The following TBC1D32 variants were observed in gnomAD, a reference collection of about 807,000 sequenced individuals.
The protein encoded by TBC1D32 is TBC1 domain family member 32.
In TBC1D32, 151 loss-of-function variants were observed where a neutral mutation model predicts 170.3. That is an observed-to-expected ratio of 0.89 (90% confidence interval 0.78 to 1.01). The LOEUF (loss-of-function observed/expected upper bound fraction) is 1.01, where lower values mean the gene tolerates loss of function less well. Ranked by LOEUF, TBC1D32 falls within the 50% of genes least tolerant of loss-of-function variation. The pLI is 0.00. For synonymous variants in TBC1D32, 498 were observed against 488.0 expected (o/e 1.02, Z -0.27); for missense variants, 1,464 against 1,457.1 (o/e 1.00, Z -0.08).
At chr6:121,251,982 C>A (rs961252670) in intron 17 of TBC1D32, among the ~76,000 whole-genome samples, 8 of 152,108 alleles carry the variant, frequency 5.3e-5, no homozygotes, top group Admixed American at 2.0e-4. Flanking sequence ...AAGTTCATCA[C>A]CACTGGTCAT....
intron 29 of TBC1D32, among the ~76,000 whole-genome samples, chr6:121,107,055 C>G (rs2128192259): frequency 6.6e-6 from 1 of 151,860 alleles, no homozygotes; most frequent in African/African-American, 2.4e-5. Flanking sequence ...AAAAGTTAAT[C>G]AAATTAGATC....
chr6:121,318,083 CT>C (rs144031009), intron 2 of TBC1D32, among the ~76,000 whole-genome samples: 7,933 of 152,018 alleles, frequency 0.052, 403 homozygotes, highest in East Asian at 0.12. Context: ...CTCCACCCCC[CT>C]ATCCTTTATT....
intron 19 of TBC1D32, 91 bp downstream of exon 19, chr6:121,241,374 C>T (rs41292572): frequency 1.9e-6 from 2 of 1,052,232 alleles, no homozygotes; most frequent in South Asian, 1.4e-5. Context: ...AGTAAATATC[C>T]TGATACTTAA....
chr6:121,132,145 A>C (rs1484374156), intron 24 of TBC1D32, among the ~76,000 whole-genome samples: 1 of 151,948 alleles, frequency 6.6e-6, no homozygotes, highest in Non-Finnish European at 1.5e-5. Flanking sequence ...TTTTTTATTC[A>C]CTTCTTTAAA....
intron 15 of TBC1D32, among the ~76,000 whole-genome samples, chr6:121,268,933 C>A (rs57097307): frequency 0.012 from 1,887 of 152,264 alleles, 40 homozygotes; most frequent in African/African-American, 0.043. Context: ...ACTCTGCAAG[C>A]CAGAAGAGAG....
At position 121,303,677 on chromosome 6, in the gene TBC1D32, CA is replaced by C; in HGVS notation, c.1019del (p.Leu340TrpfsTer9). ...CTAATGCAAAAAAGTAGATCGGATC[CA>C]AAATCTTTTGTGAGACAACATGGCT... is the stretch of plus-strand genomic sequence containing the variant. ...NQSHVVSQKI[L>X]DPIYFFALVD... On this transcript the variant is annotated frameshift_variant, in exon 9 of 32. Coordinates refer to ENST00000398212, the MANE Select transcript of TBC1D32 (RefSeq NM_152730.6). LOFTEE classifies it high-confidence loss of function. 6.3e-7 allele frequency: 1 copy of C among 1,597,944 alleles called. No homozygotes were observed. Among genetic ancestry groups the C allele is most frequent in the Non-Finnish European group, 8.6e-7 (1 of 1,169,272 alleles).
chr6:121,100,964 T>C (rs1582771113), intron 30 of TBC1D32, among the ~76,000 whole-genome samples: 2 of 151,980 alleles, frequency 1.3e-5, no homozygotes, highest in African/African-American at 4.8e-5. Flanking sequence ...AACAACTCTA[T>C]ACAAATAAAC....
chr6:121,270,517 T>C (rs1014460005), intron 15 of TBC1D32, among the ~76,000 whole-genome samples: 19 of 152,050 alleles, frequency 1.2e-4, no homozygotes, highest in African/African-American at 4.6e-4. Flanking sequence ...CTAGAAGAAA[T>C]GGATAAATTC....
chr6:121,127,650 C>T (rs785395), intron 25 of TBC1D32, among the ~76,000 whole-genome samples: 45,058 of 151,936 alleles, frequency 0.3, 9,541 homozygotes, highest in African/African-American at 0.57. Flanking sequence ...TCTATGTGTA[C>T]AAACTTCTTT....
intron 22 of TBC1D32, among the ~76,000 whole-genome samples, chr6:121,199,578 C>T (rs959014510): frequency 2.7e-5 from 4 of 150,824 alleles, no homozygotes; most frequent in Non-Finnish European, 5.9e-5. Context: ...AATCAGTAAT[C>T]GATCATTTTA....
chr6:121,207,288 C>T (rs889936595), intron 21 of TBC1D32, among the ~76,000 whole-genome samples: 5 of 152,048 alleles, frequency 3.3e-5, no homozygotes, highest in African/African-American at 1.2e-4. Context: ...GTATAGGTGA[C>T]TGAAATTTGC....
chr6:121,254,227 C>A lies in TBC1D32; in HGVS notation c.2018+1101G>T, dbSNP rs143438773. Among the ~76,000 whole-genome samples the A allele has an allele frequency of 1.1e-4, 16 of 152,050 alleles. No individual in the cohort carries two copies. The South Asian group carries it at 2.1e-3, about 20-fold the overall frequency. ...CATAAGCATGATATAATGGACTCTG[C>A]GGGTACAGAAGGAAAATTTGGAAGG... On this transcript the variant is annotated intron_variant, in intron 17 of 31. Transcript: ENST00000398212.
chr6:121,194,649 C>A (rs746998683), intron 22 of TBC1D32, among the ~76,000 whole-genome samples: 1 of 152,216 alleles, frequency 6.6e-6, no homozygotes, highest in African/African-American at 2.4e-5. Context: ...TTGGCAAATG[C>A]CTTTTTCTCC....
intron 15 of TBC1D32, among the ~76,000 whole-genome samples, chr6:121,268,035 C>G (rs1800789039): frequency 6.6e-6 from 1 of 152,238 alleles, no homozygotes. Context: ...CAGACCTGCA[C>G]CGGAGGGTCC....
chr6:121,330,852 C>T lies in TBC1D32; in HGVS notation c.155+3424G>A, dbSNP rs563371708. ...TGTAAAAATTTACACAACACATACA[C>T]ACATAATGAAAGCAACGTACTCTTC... is the stretch of plus-strand genomic sequence containing the variant. On this transcript the variant is annotated intron_variant, in intron 1 of 31. Coordinates refer to ENST00000398212, the MANE Select transcript of TBC1D32 (RefSeq NM_152730.6). 2.1e-3 allele frequency among the ~76,000 whole-genome samples: 315 copies of T among 152,294 alleles called. 1 individual carries two copies. The highest frequency in any genetic ancestry group is 7.3e-3 in the African/African-American group (303 of 41,560).
At chr6:121,185,809 G>C (rs1789136306) in intron 22 of TBC1D32, among the ~76,000 whole-genome samples, 1 of 151,990 alleles carries the variant, frequency 6.6e-6, no homozygotes, top group Non-Finnish European at 1.5e-5. Context: ...AAAAAGTAAG[G>C]CACTGAGCAA....
At chr6:121,254,766 A>G (rs1191929404) in intron 17 of TBC1D32, among the ~76,000 whole-genome samples, 1 of 152,138 alleles carries the variant, frequency 6.6e-6, no homozygotes, top group Admixed American at 6.6e-5. Context: ...ATAAGAACAG[A>G]ACCCAGAAAA....
Position 121,113,147 on chromosome 6 carries a change from A to G in TBC1D32, c.3084T>C (p.Asp1028=), listed in dbSNP as rs1429260024. Residue 1028 remains aspartate, a synonymous_variant, in exon 28 of 32, where the codon GAT becomes GAC. Transcript: ENST00000398212. ...CCCAGGTAAGATCATTTTCTGCACC[A>G]TCTTTTAAGAGACTGAGGAATTTGC... ...RYGKFLSLLK[D]GAENDLTWVL... The G allele has an allele frequency of 6.2e-7, 1 of 1,610,712 alleles. No individual in the cohort carries two copies. The highest frequency in any genetic ancestry group is 1.1e-5 in the South Asian group (1 of 90,274).
intron 29 of TBC1D32, among the ~76,000 whole-genome samples, chr6:121,110,271 T>C (rs1033320415): frequency 1.3e-5 from 2 of 148,862 alleles, no homozygotes; most frequent in Admixed American, 6.7e-5. Context: ...AAATTTTATA[T>C]ATATATATAA....
Sources: gnomAD v4.1 joint callset for allele counts (sites outside exome capture counted in the v4.1 genomes callset) on GRCh38, gnomAD v4.1.1 for gene constraint, MANE v1.5 for transcripts, NCBI Gene and HGNC (gene_info 2026-07-23, HGNC 2026-07-21) for gene names.